Variants in THSD4 observed in about 807,000 individuals in gnomAD.
THSD4 encodes the protein thrombospondin type-1 domain-containing protein 4.
A neutral mutation model predicts 119.0 loss-of-function variants in THSD4; 69 were observed. That is an observed-to-expected ratio of 0.58 (90% CI 0.48 to 0.71). THSD4 has a LOEUF of 0.71. Ranked by LOEUF, THSD4 falls within the 30% of genes least tolerant of loss-of-function variation. THSD4 has a pLI of 0.00. For missense variants in THSD4, 1,393 were observed against 1,391.1 expected (o/e 1.00, Z -0.02); for synonymous variants, 524 against 540.4 (o/e 0.97, Z 0.42).
chr15:71,190,934 G>A (rs576208056), intron 3 of THSD4, among the ~76,000 whole-genome samples: 73 of 152,050 alleles, frequency 4.8e-4, no homozygotes, highest in Middle Eastern at 3.4e-3. Flanking sequence ...TTAGACTCGC[G>A]TCCCCCTTCA....
rs71154772 is a variant in THSD4, at chr15:71,442,660, GTATATATATATATATATA to G, written c.1152+30863_1152+30880del. ...TGTGTGTATATGTGTGTGTGTGTGT[GTATATATATATATATATA>G]TATATATATATATATATATATATAT... On this transcript the variant is annotated intron_variant, in intron 7 of 17. Coordinates refer to ENST00000261862, the MANE Select transcript of THSD4 (RefSeq NM_024817.3). Among the ~76,000 whole-genome samples, 18 of 25,828 alleles carry G rather than the reference GTATATATATATATATATA, an allele frequency of 7.0e-4. 2 individuals are homozygous for G. Among genetic ancestry groups the G allele is most frequent in the African/African-American group, 1.1e-3 (10 of 9,270 alleles). The allele number at this position is 25,828 out of a possible 152,430, so 16.9% of individuals were successfully genotyped here.
intron 14 of THSD4, among the ~76,000 whole-genome samples, chr15:71,755,305 G>A (rs538824308): frequency 7.2e-5 from 11 of 152,308 alleles, no homozygotes; most frequent in East Asian, 3.9e-4. Context: ...ATGTTTGATC[G>A]CTCATGCTGG....
chr15:71,550,952 T>C (rs1243865786), intron 7 of THSD4, among the ~76,000 whole-genome samples: 1 of 152,214 alleles, frequency 6.6e-6, no homozygotes, highest in African/African-American at 2.4e-5. Flanking sequence ...GTTTTTTACA[T>C]TAAAAATAAA....
intron 7 of THSD4, among the ~76,000 whole-genome samples, chr15:71,590,219 C>T (rs1441721661): frequency 7.2e-6 from 1 of 138,588 alleles, no homozygotes; most frequent in Non-Finnish European, 1.6e-5. Context: ...TGTCTGAAGA[C>T]TTGAAATATT....
intron 6 of THSD4, among the ~76,000 whole-genome samples, chr15:71,336,009 A>AT (rs1204677864): frequency 6.6e-6 from 1 of 152,104 alleles, no homozygotes; most frequent in African/African-American, 2.4e-5. Flanking sequence ...TGAAAAAAAG[A>AT]ATCTCAATCA....
chr15:71,174,133 C>T (rs2043414641), intron 3 of THSD4, among the ~76,000 whole-genome samples: 1 of 152,126 alleles, frequency 6.6e-6, no homozygotes. Flanking sequence ...CACTATCGAG[C>T]AGAAATAGGA....
chr15:71,756,786 G>A (rs898052456), intron 14 of THSD4, among the ~76,000 whole-genome samples: 15 of 151,878 alleles, frequency 9.9e-5, no homozygotes, highest in African/African-American at 3.1e-4. Context: ...AACCTGTCTC[G>A]AAAAAAAGAA....
chr15:71,689,801 G>C (rs1399947035), intron 8 of THSD4, among the ~76,000 whole-genome samples: 1 of 152,164 alleles, frequency 6.6e-6, no homozygotes, highest in Non-Finnish European at 1.5e-5. Context: ...GAGATTCCTC[G>C]GGTGTTATTT....
In THSD4 at chr15:71,209,230, G is replaced by A. The variant is rs150165132; in HGVS notation, c.100-5805G>A. Among the ~76,000 whole-genome samples the A allele has an allele frequency of 2.8e-3, 421 of 152,260 alleles. 3 individuals carry two copies. Among genetic ancestry groups the A allele is most frequent in the Non-Finnish European group, 4.4e-3 (297 of 68,016 alleles). ...TGGAGATTTCCTCTGTCCCTGCTGG[G>A]GGACATGTTAGATGCCTTACCTAGC... On this transcript the variant is annotated intron_variant, in intron 3 of 17. Transcript: ENST00000261862.
At chr15:71,602,553 C>CAAAAAAAAAAAAAAAA (rs59370074) in intron 7 of THSD4, among the ~76,000 whole-genome samples, 13 of 53,874 alleles carry the variant, frequency 2.4e-4, no homozygotes, top group Non-Finnish European at 3.3e-4. Flanking sequence ...AACTCTGTCT[C>CAAAAAAAAAAAAAAAA]AAAAAAAAAA....
chr15:71,154,625 G>A (rs1170777150), intron 2 of THSD4, among the ~76,000 whole-genome samples: 1 of 152,184 alleles, frequency 6.6e-6, no homozygotes, highest in Non-Finnish European at 1.5e-5. Context: ...GAACCCCTGC[G>A]GGTAAGCAGG....
chr15:71,298,837 TC>T (rs2044903855), intron 6 of THSD4, among the ~76,000 whole-genome samples: 1 of 152,232 alleles, frequency 6.6e-6, no homozygotes, highest in African/African-American at 2.4e-5. Flanking sequence ...GGTCTCGAAC[TC>T]CTGAGCTTGG....
chr15:71,317,457 G>A (rs2045204551), intron 6 of THSD4, among the ~76,000 whole-genome samples: 1 of 152,192 alleles, frequency 6.6e-6, no homozygotes, highest in Admixed American at 6.5e-5. Flanking sequence ...AAGAGAGCAT[G>A]TGCAGGGGAA....
At chr15:71,569,333 G>A (rs1045027274) in intron 7 of THSD4, among the ~76,000 whole-genome samples, 4 of 152,014 alleles carry the variant, frequency 2.6e-5, no homozygotes, top group Non-Finnish European at 4.4e-5. Flanking sequence ...AGAGAGAGAG[G>A]GAGGGAGGAC....
chr15:71,184,213 C>T (rs2043572836), intron 3 of THSD4: 1 of 151,928 alleles, frequency 6.6e-6, no homozygotes, highest in Non-Finnish European at 1.5e-5. Flanking sequence ...TCAGGATTCT[C>T]TGGAAAGAGG....
At chr15:71,515,189 G>A (rs2048340462) in intron 7 of THSD4, among the ~76,000 whole-genome samples, 1 of 152,180 alleles carries the variant, frequency 6.6e-6, no homozygotes. Context: ...CTTAACAGGT[G>A]GACTATAACT....
chr15:71,738,260 G>T, intron 11 of THSD4: 1 of 470,016 alleles, frequency 2.1e-6, no homozygotes, highest in Non-Finnish European at 3.8e-6. Flanking sequence ...TTCACAATAG[G>T]GTTCACGCTC....
chr15:71,539,632 A>G (rs2048731437), intron 7 of THSD4, among the ~76,000 whole-genome samples: 1 of 152,154 alleles, frequency 6.6e-6, no homozygotes, highest in African/African-American at 2.4e-5. Flanking sequence ...TTTTTAGGTC[A>G]CCCAAAAGTT....
chr15:71,454,230 C>CTA (rs1032685552), intron 7 of THSD4, among the ~76,000 whole-genome samples: 20 of 152,184 alleles, frequency 1.3e-4, no homozygotes, highest in African/African-American at 4.8e-4. Context: ...GCACTCCAGC[C>CTA]TAGGTGATAG....
Sources: gnomAD v4.1 joint callset for allele counts (sites outside exome capture counted in the v4.1 genomes callset) on GRCh38, gnomAD v4.1.1 for gene constraint, MANE v1.5 for transcripts, NCBI Gene and HGNC (gene_info 2026-07-23, HGNC 2026-07-21) for gene names.